HIC2: variants seen among roughly 807,000 people sequenced by gnomAD.
HIC2 encodes the protein hypermethylated in cancer 2 protein.
Under a neutral mutation model 39.5 loss-of-function variants are expected in HIC2, and 2 were observed. The observed-to-expected ratio is 0.05, with a 90% CI of 0.02 to 0.16. The LOEUF (loss-of-function observed/expected upper bound fraction) is 0.16, where lower values mean the gene tolerates loss of function less well. Ranked by LOEUF, HIC2 falls within the 10% of genes least tolerant of loss-of-function variation. HIC2 has a pLI of 1.00. For missense variants in HIC2, 713 were observed against 863.5 expected (o/e 0.83, Z 2.18); for synonymous variants, 399 against 368.8 (o/e 1.08, Z -0.94).
chr22:21,451,056 T>G lies in HIC2; in HGVS notation c.*4313T>G, dbSNP rs910781845. 1 of 152,496 alleles carries G rather than the reference T, an allele frequency of 6.6e-6. No individual in the cohort carries two copies. Among genetic ancestry groups the G allele is most frequent in the Non-Finnish European group, 1.5e-5 (1 of 67,954 alleles). 9.4% of individuals were successfully genotyped at this position (152,496 alleles called of 1,614,324 possible). On this transcript the variant is annotated 3_prime_UTR_variant, in exon 3 of 3. Transcript: ENST00000407464. The stretch of plus-strand genomic sequence containing the variant: ...GGAGCCTCTCTACCCCACCCATCAC[T>G]AGCTTCCCTCTGCCCTCTCCCACCC...
Position 21,446,391 on chromosome 22 carries a change from C to T in HIC2, c.1496C>T (p.Thr499Met), listed in dbSNP as rs376923600. 4.0e-4 allele frequency: 646 copies of T among 1,612,240 alleles called. 5 individuals are homozygous for T. The South Asian group carries it at 6.6e-3, about 17-fold the overall frequency. ...EDLSAPSAAY[T>M]AEPRPFKCSV... ...CTGTCAGCACCCAGTGCGGCCTACA[C>T]GGCTGAGCCCCGGCCCTTCAAGTGT... The change falls in exon 3 of 3, where the codon ACG becomes ATG. Residue 499 changes from threonine to methionine, a missense_variant. Physicochemically the swap from Thr to Met is moderately conservative, Grantham distance 81. Coordinates refer to ENST00000407464, the MANE Select transcript of HIC2 (RefSeq NM_015094.3).
At position 21,446,136 on chromosome 22, in the gene HIC2, G is replaced by A. The variant is rs748269268; in HGVS notation, c.1241G>A (p.Ser414Asn). 2 of 1,608,476 alleles carry A rather than the reference G, an allele frequency of 1.2e-6. No individual in the cohort carries two copies. The highest frequency in any genetic ancestry group is 1.7e-6 in the Non-Finnish European group (2 of 1,179,914). Residue 414 changes from serine to asparagine, a missense_variant, in exon 3 of 3, where the codon AGC becomes AAC. Physicochemically the swap from Ser to Asn is conservative, Grantham distance 46. Around this residue, in one of 5 missense-constraint regions of HIC2, gnomAD observed 457 missense variants for 420.2 expected, o/e 1.09. Coordinates refer to ENST00000407464, the MANE Select transcript of HIC2 (RefSeq NM_015094.3). ...AGTGAAGACAGTGCGCAGAGCGGGA[G>A]CGAGGGGGGCAGCGGCCATGCCAGC... is the stretch of plus-strand genomic sequence containing the variant. The part of the protein sequence containing the change: ...DASEDSAQSG[S>N]EGGSGHASAH...
Position 21,446,308 on chromosome 22 carries a change from C to T in HIC2, c.1413C>T (p.Ile471=), listed in dbSNP as rs1923834935. The T allele has an allele frequency of 1.9e-6, 3 of 1,613,238 alleles. No individual in the cohort carries two copies. Among genetic ancestry groups the T allele is most frequent in the Non-Finnish European group, 2.5e-6 (3 of 1,179,990 alleles). ...CTCACACGGAGGAAGAGCTGTTCAT[C>T]AAGGAAGAGGGGGCCTACGAGACAG... ...VETHTEEELF[I]KEEGAYETGS... The change falls in exon 3 of 3, where the codon ATC becomes ATT. Residue 471 remains isoleucine, a synonymous_variant. Coordinates refer to ENST00000407464, the MANE Select transcript of HIC2 (RefSeq NM_015094.3).
intron 1 of HIC2, among the ~76,000 whole-genome samples, chr22:21,419,402 T>TA (rs1923008302): frequency 7.8e-6 from 1 of 129,000 alleles, no homozygotes; most frequent in African/African-American, 3.1e-5. Flanking sequence ...CAGTTGGCTC[T>TA]GAGTGCTGCT....
chr22:21,443,562 C>T (rs1031554606), intron 2 of HIC2, among the ~76,000 whole-genome samples: 1 of 152,084 alleles, frequency 6.6e-6, no homozygotes, highest in African/African-American at 2.4e-5. Flanking sequence ...GAGACTGGAC[C>T]CTGAACTGCG....
Position 21,446,236 on chromosome 22 carries a change from C to T in HIC2, c.1341C>T (p.Cys447=), listed in dbSNP as rs564944511. 2.9e-5 allele frequency: 47 copies of T among 1,612,876 alleles called. No individual in the cohort carries two copies. In the South Asian group the frequency reaches 3.6e-4, roughly 12 times the overall value. ...YGDNLYVCIP[C]AKGFPSSEQL... is the part of the protein sequence containing the mutation. ...ACAACTTGTATGTGTGCATTCCCTG[C>T]GCCAAGGGCTTCCCCAGCTCTGAGC... The change falls in exon 3 of 3, where the codon TGC becomes TGT. Residue 447 remains cysteine (C), a synonymous_variant. Coordinates refer to ENST00000407464, the MANE Select transcript of HIC2 (RefSeq NM_015094.3).
In HIC2 at chr22:21,445,866, G is replaced by A. The variant is rs766162249; in HGVS notation, c.971G>A (p.Gly324Glu). 2 of 1,596,570 alleles carry A rather than the reference G, an allele frequency of 1.3e-6. No homozygotes were observed. Among genetic ancestry groups the A allele is most frequent in the Admixed American group, 1.8e-5 (1 of 56,564 alleles). The change falls in exon 3 of 3, where the codon GGG (glycine) becomes GAG (glutamate). Residue 324 changes from glycine (G) to glutamate (E), a missense_variant. By Grantham distance (98) the Gly-to-Glu change is moderately conservative. Transcript: ENST00000407464. The part of the protein sequence containing the change: ...NHLSLLEAPG[G>E]QPRKSLRHST... ...CTGAGCCTGCTGGAGGCGCCTGGTG[G>A]GCAGCCTCGGAAGAGCCTCCGGCAC...
rs781566367 is a variant in HIC2 at position 21,445,126 on chromosome 22, C to T, written c.231C>T (p.His77=). The change falls in exon 3 of 3, where the codon CAC becomes CAT. Residue 77 remains histidine, a synonymous_variant. Coordinates refer to ENST00000407464, the MANE Select transcript of HIC2 (RefSeq NM_015094.3). ...SSIYFKSLVL[H]DNLINLDTDM... ...TCTATTTCAAGTCCCTGGTCCTGCA[C>T]GACAACCTCATCAACCTGGACACAG... 7.4e-6 allele frequency: 12 copies of T among 1,614,192 alleles called. No individual in the cohort carries two copies. The highest frequency in any genetic ancestry group is 2.7e-5 in the African/African-American group (2 of 75,062).
rs1392519046 is a variant in HIC2 at position 21,449,998 on chromosome 22, T to G, written c.*3255T>G. On this transcript the variant is annotated 3_prime_UTR_variant, in exon 3 of 3. Coordinates refer to ENST00000407464, the MANE Select transcript of HIC2 (RefSeq NM_015094.3). ...GTCGACTCTGGTGGGTCCCCACTCC[T>G]GGGGCCCCCTAACCCCACCCCAGGC... The G allele has an allele frequency of 2.0e-5, 3 of 152,678 alleles. No individual in the cohort carries two copies. The highest frequency in any genetic ancestry group is 7.2e-5 in the African/African-American group (3 of 41,464). The allele number at this position is 152,678 out of a possible 1,614,324, so 9.5% of individuals were successfully genotyped here.
chr22:21,446,779 C>T lies in HIC2; in HGVS notation c.*36C>T. 6.4e-7 allele frequency: 1 copy of T among 1,569,374 alleles called. No homozygotes were observed. The highest frequency in any genetic ancestry group is 8.7e-7 in the Non-Finnish European group (1 of 1,154,778). ...CCCGCGGGCGCCCTCTGCCACCTTG[C>T]TCCCCGGGAACCCATGGAAGGAGAA... On this transcript the variant is annotated 3_prime_UTR_variant, in exon 3 of 3. Coordinates refer to ENST00000407464, the MANE Select transcript of HIC2 (RefSeq NM_015094.3).
In HIC2 at chr22:21,450,921, T is replaced by G. The variant is rs535916011; in HGVS notation, c.*4178T>G. On this transcript the variant is annotated 3_prime_UTR_variant, in exon 3 of 3. Coordinates refer to ENST00000407464, the MANE Select transcript of HIC2 (RefSeq NM_015094.3). ...CCTACCTCACCTTGCTATTTATTGCTGTAATTTATTGACCTCAAAAATGCT... is the reference window on the plus strand; with the variant it reads ...CCTACCTCACCTTGCTATTTATTGCGGTAATTTATTGACCTCAAAAATGCT... 6.5e-6 allele frequency: 1 copy of G among 152,934 alleles called. No homozygotes were observed. The highest frequency in any genetic ancestry group is 2.4e-5 in the African/African-American group (1 of 41,582). The allele number at this position is 152,934 out of a possible 1,614,324, so 9.5% of individuals were successfully genotyped here.
Position 21,446,192 on chromosome 22 carries a change from G to C in HIC2, c.1297G>C (p.Glu433Gln), listed in dbSNP as rs757257181. ...CTACATGTACCGGCAGGAGGGCTAC[G>C]AGACGGTGTCCTACGGGGACAACTT... ...AHYMYRQEGY[E>Q]TVSYGDNLYV... The change falls in exon 3 of 3, where the codon GAG becomes CAG. Residue 433 changes from glutamate to glutamine, a missense_variant. This residue lies in a region of HIC2 where 457 missense variants were observed against 420.2 expected (regional missense o/e 1.09). Coordinates refer to ENST00000407464, the MANE Select transcript of HIC2 (RefSeq NM_015094.3). 6.8e-6 allele frequency: 11 copies of C among 1,610,994 alleles called. No individual in the cohort carries two copies. The highest frequency in any genetic ancestry group is 9.3e-6 in the Non-Finnish European group (11 of 1,179,980).
rs1422981717 is a variant in HIC2, at chr22:21,445,901, A to G, written c.1006A>G (p.Lys336Glu). Residue 336 changes from lysine to glutamate, a missense_variant, in exon 3 of 3, where the codon AAG (lysine) becomes GAG (glutamate). By Grantham distance (56) the Lys-to-Glu change is moderately conservative. This residue lies in a region of HIC2 where 457 missense variants were observed against 420.2 expected (regional missense o/e 1.09). Transcript: ENST00000407464. ...PRKSLRHSTR[K>E]KEWGKKEPVA... ...GAAGAGCCTCCGGCACTCCACTCGG[A>G]AGAAGGAGTGGGGCAAGAAGGAGCC... is the stretch of plus-strand genomic sequence containing the variant. 7 of 1,600,846 alleles carry G rather than the reference A, an allele frequency of 4.4e-6. No homozygotes were observed. Among genetic ancestry groups the G allele is most frequent in the Non-Finnish European group, 6.0e-6 (7 of 1,174,778 alleles).
Position 21,446,077 on chromosome 22 carries a change from C to T in HIC2, c.1182C>T (p.Pro394=). The change falls in exon 3 of 3, where the codon CCC becomes CCT. Residue 394 remains proline, a synonymous_variant. Transcript: ENST00000407464. ...PSGPYGEPPY[P]CKEEEENGKD... ...GGCCCTATGGGGAGCCCCCCTACCC[C>T]TGCAAGGAGGAGGAGGAGAACGGCA... 1 of 1,607,842 alleles carries T rather than the reference C, an allele frequency of 6.2e-7. No individual in the cohort carries two copies. Among genetic ancestry groups the T allele is most frequent in the Non-Finnish European group, 8.5e-7 (1 of 1,179,560 alleles).
At chr22:21,443,571 C>T (rs1027390933) in intron 2 of HIC2, among the ~76,000 whole-genome samples, 2 of 152,050 alleles carry the variant, frequency 1.3e-5, no homozygotes, top group Non-Finnish European at 2.9e-5. Flanking sequence ...CCCTGAACTG[C>T]GAGGCTCAGA....
chr22:21,421,523 T>A, intron 1 of HIC2, among the ~76,000 whole-genome samples: 1 of 56,822 alleles, frequency 1.8e-5, no homozygotes, highest in East Asian at 4.0e-4. Context: ...GGGGAGCCCC[T>A]CCTTCTAACT....
At position 21,446,258 on chromosome 22, in the gene HIC2, G is replaced by A. The variant is rs1264264150; in HGVS notation, c.1363G>A (p.Glu455Lys). ...IPCAKGFPSSEQLNAHVETHT... is the reference protein window; with the variant it reads ...IPCAKGFPSSKQLNAHVETHT... ...CTGCGCCAAGGGCTTCCCCAGCTCTGAGCAGCTCAATGCGCACGTGGAGAC... is the reference window on the plus strand; with the variant it reads ...CTGCGCCAAGGGCTTCCCCAGCTCTAAGCAGCTCAATGCGCACGTGGAGAC... The change falls in exon 3 of 3, where the codon GAG becomes AAG. Residue 455 changes from glutamate to lysine, a missense_variant. By Grantham distance (56) the Glu-to-Lys change is moderately conservative (BLOSUM62 1). Transcript: ENST00000407464. 1 of 1,613,272 alleles carries A rather than the reference G, an allele frequency of 6.2e-7. No individual in the cohort carries two copies. Among genetic ancestry groups the A allele is most frequent in the Non-Finnish European group, 8.5e-7 (1 of 1,180,032 alleles).
Position 21,446,200 on chromosome 22 carries a change from G to A in HIC2, c.1305G>A (p.Val435=). The A allele has an allele frequency of 1.9e-6, 3 of 1,611,596 alleles. No individual in the cohort carries two copies. The South Asian group carries it at 3.3e-5, about 18-fold the overall frequency. ...YMYRQEGYET[V]SYGDNLYVCI... Reference sequence around the variant, plus strand: ...ACCGGCAGGAGGGCTACGAGACGGTGTCCTACGGGGACAACTTGTATGTGT... The same window carrying A: ...ACCGGCAGGAGGGCTACGAGACGGTATCCTACGGGGACAACTTGTATGTGT... Residue 435 remains valine (V), a synonymous_variant, in exon 3 of 3, where the codon GTG becomes GTA. Transcript: ENST00000407464.
rs917366106 is a variant in HIC2, at chr22:21,449,414, CAAAGAAA to C, written c.*2682_*2688del. 1.3e-5 allele frequency: 2 copies of C among 150,822 alleles called. No homozygotes were observed. The highest frequency in any genetic ancestry group is 2.4e-5 in the African/African-American group (1 of 40,882). The allele number at this position is 150,822 out of a possible 1,614,324, so 9.3% of individuals were successfully genotyped here. A position where few individuals can be genotyped will look rare whatever the true frequency, so the allele number is the denominator to read the frequency against. The stretch of plus-strand genomic sequence containing the variant: ...TATCATGTAGGAAAGAGAGGATAAA[CAAAGAAA>C]AAAGAAAAAAAAATAAGCTCATACC... On this transcript the variant is annotated 3_prime_UTR_variant, in exon 3 of 3. Transcript: ENST00000407464.
Sources: gnomAD v4.1 joint callset for allele counts (sites outside exome capture counted in the v4.1 genomes callset) on GRCh38, gnomAD v4.1.1 for gene constraint, gnomAD v4.1.1 regional missense constraint, MANE v1.5 for transcripts, NCBI Gene and HGNC (gene_info 2026-07-23, HGNC 2026-07-21) for gene names.